CEP135: variants seen among roughly 807,000 people sequenced by gnomAD.
The protein encoded by CEP135 is centrosomal protein of 135 kDa.
In CEP135, 142 loss-of-function variants were observed where a neutral mutation model predicts 157.3. That is an observed-to-expected ratio of 0.90 (90% CI 0.79 to 1.04). CEP135 has a LOEUF of 1.04. CEP135 is among the 50% of genes least tolerant of loss of function. CEP135 has a pLI of 0.00. For synonymous variants in CEP135, 396 were observed against 439.8 expected, an observed-to-expected ratio of 0.90 and a Z score of 1.25; for missense variants, 1,317 against 1,309.2, an observed-to-expected ratio of 1.01 and a Z score of -0.09.
chr4:55,982,636 G>T (rs1387905792), intron 13 of CEP135, among the ~76,000 whole-genome samples: 1 of 152,114 alleles, frequency 6.6e-6, no homozygotes, highest in African/African-American at 2.4e-5. Context: ...TTATTAAGTT[G>T]TAAGAGTTCT....
At chr4:55,954,873 C>T (rs1268963413) in intron 4 of CEP135, among the ~76,000 whole-genome samples, 1 of 152,136 alleles carries the variant, frequency 6.6e-6, no homozygotes, top group Non-Finnish European at 1.5e-5. Flanking sequence ...TCATTTGAGG[C>T]CGCTTCAAGA....
At chr4:55,995,086 GT>G (rs1560414330) in intron 15 of CEP135, among the ~76,000 whole-genome samples, 1 of 152,172 alleles carries the variant, frequency 6.6e-6, no homozygotes, top group Non-Finnish European at 1.5e-5. Flanking sequence ...ATGTTTTAAA[GT>G]TAAATTACTG....
At chr4:55,955,671 T>A (rs1474216957) in intron 4 of CEP135, among the ~76,000 whole-genome samples, 9 of 152,150 alleles carry the variant, frequency 5.9e-5, no homozygotes, top group Non-Finnish European at 1.3e-4. Context: ...ATCAAGATAG[T>A]GAGTAAATGT....
chr4:55,986,389 C>G (rs183166969), intron 14 of CEP135, among the ~76,000 whole-genome samples: 30 of 151,996 alleles, frequency 2.0e-4, no homozygotes, highest in Admixed American at 9.2e-4. Context: ...AAAAAATTTA[C>G]AAATTGGCCA....
chr4:56,029,191 G>T (rs1731255241), intron 25 of CEP135, among the ~76,000 whole-genome samples: 1 of 152,252 alleles, frequency 6.6e-6, no homozygotes, highest in African/African-American at 2.4e-5. Flanking sequence ...CACCCTGTAA[G>T]CATCGCCAAG....
chr4:55,953,530 A>G (rs1345058895), intron 3 of CEP135, among the ~76,000 whole-genome samples: 1 of 151,686 alleles, frequency 6.6e-6, no homozygotes, highest in Middle Eastern at 3.2e-3. Flanking sequence ...AAAATATGGT[A>G]CTCCTTCTGC....
At chr4:55,991,848 T>C in intron 14 of CEP135, 86 bp from the exon 15 acceptor site, 1 of 699,892 alleles carries the variant, frequency 1.4e-6, no homozygotes, top group Non-Finnish European at 2.2e-6. Flanking sequence ...TTAGTTTTCT[T>C]CCGGAAATAT....
At chr4:55,982,459 T>C (rs753922143) in intron 13 of CEP135, among the ~76,000 whole-genome samples, 2 of 152,210 alleles carry the variant, frequency 1.3e-5, no homozygotes, top group African/African-American at 2.4e-5. Flanking sequence ...TTTTGTATTA[T>C]AGTCATTCTG....
At chr4:55,961,152 CT>C (rs1728668387) in intron 6 of CEP135, among the ~76,000 whole-genome samples, 1 of 148,974 alleles carries the variant, frequency 6.7e-6, no homozygotes, top group African/African-American at 2.5e-5. Flanking sequence ...AAAAACCTTA[CT>C]TCATGAAGAG....
rs373617751 is a variant in CEP135 at position 55,999,533 on chromosome 4, A to G, written c.2168A>G (p.His723Arg). ...LKMTSQDEEA[H>R]VMKKTIGVID... The stretch of plus-strand genomic sequence containing the variant: ...ATGACTTCACAGGATGAGGAGGCTC[A>G]TGTAATGAAAAAGACCATTGGTGTT... The change falls in exon 17 of 26, where the codon CAT becomes CGT. Residue 723 changes from histidine (H) to arginine (R), a missense_variant. By Grantham distance (29) the His-to-Arg change is conservative. Transcript: ENST00000257287. 6.2e-7 allele frequency: 1 copy of G among 1,611,394 alleles called. No homozygotes were observed. The highest frequency in any genetic ancestry group is 8.5e-7 in the Non-Finnish European group (1 of 1,179,458).
intron 11 of CEP135, among the ~76,000 whole-genome samples, chr4:55,977,101 C>T (rs542924346): frequency 2.0e-4 from 30 of 152,058 alleles, no homozygotes; most frequent in African/African-American, 7.0e-4. Flanking sequence ...GGATTACAGA[C>T]GTGAGCCATG....
intron 14 of CEP135, among the ~76,000 whole-genome samples, chr4:55,985,913 C>A (rs1014467143): frequency 6.6e-6 from 1 of 152,058 alleles, no homozygotes; most frequent in Non-Finnish European, 1.5e-5. Flanking sequence ...GCACTCCAGC[C>A]TGGGCAACAG....
At chr4:56,022,789 GA>G (rs1409589556) in intron 24 of CEP135, among the ~76,000 whole-genome samples, 2 of 152,118 alleles carry the variant, frequency 1.3e-5, no homozygotes, top group African/African-American at 4.8e-5. Flanking sequence ...AAGAGGGCTA[GA>G]TATATGTGCA....
chr4:55,989,501 A>G (rs4526032), intron 14 of CEP135, among the ~76,000 whole-genome samples: 72,275 of 152,050 alleles, frequency 0.48, 17,734 homozygotes, highest in African/African-American at 0.6. Context: ...ACACAAATAA[A>G]TTTATTCCTT....
At chr4:55,976,085 A>G (rs1386583178) in intron 11 of CEP135, among the ~76,000 whole-genome samples, 1 of 152,052 alleles carries the variant, frequency 6.6e-6, no homozygotes, top group African/African-American at 2.4e-5. Flanking sequence ...TGCCATCTCT[A>G]CAAAAGAAAA....
intron 17 of CEP135, among the ~76,000 whole-genome samples, chr4:56,003,451 G>T (rs751820928): frequency 3.3e-5 from 5 of 151,806 alleles, no homozygotes; most frequent in South Asian, 2.1e-4. Context: ...CTACTGATCC[G>T]CCCGCCTCGG....
At chr4:55,954,422 A>T in intron 4 of CEP135, 39 bp downstream of exon 4, 1 of 1,541,326 alleles carries the variant, frequency 6.5e-7, no homozygotes, top group Non-Finnish European at 8.7e-7. Context: ...ATACACATTT[A>T]ATCTTTTAAC....
Position 55,965,839 on chromosome 4 carries a change from A to G in CEP135, c.1024A>G (p.Lys342Glu), listed in dbSNP as rs777818879. ...AGAAGAAGTGCTTGAGACTGCTGAT[A>G]AAGAGCTTGGGGAAGCAAAGGTAAT... is the stretch of plus-strand genomic sequence containing the variant. ...HKEEVLETAD[K>E]ELGEAKKEIK... Residue 342 changes from lysine to glutamate, a missense_variant, in exon 8 of 26, where the codon AAA becomes GAA. Coordinates refer to ENST00000257287, the MANE Select transcript of CEP135 (RefSeq NM_025009.5). 1 of 1,613,124 alleles carries G rather than the reference A, an allele frequency of 6.2e-7. No individual in the cohort carries two copies. The highest frequency in any genetic ancestry group is 1.3e-5 in the African/African-American group (1 of 74,906).
chr4:55,958,156 A>C (rs1369956462), intron 5 of CEP135, among the ~76,000 whole-genome samples: 2 of 152,230 alleles, frequency 1.3e-5, no homozygotes, highest in African/African-American at 4.8e-5. Flanking sequence ...CACTGGGACC[A>C]GGTGCAGTGG....
Sources: gnomAD v4.1 joint callset for allele counts (sites outside exome capture counted in the v4.1 genomes callset) on GRCh38, gnomAD v4.1.1 for gene constraint, MANE v1.5 for transcripts, NCBI Gene and HGNC (gene_info 2026-07-23, HGNC 2026-07-21) for gene names.